DCC: variants seen among roughly 807,000 people sequenced by gnomAD.
DCC encodes the protein DCC netrin 1 receptor.
A neutral mutation model predicts 172.5 loss-of-function variants in DCC; 58 were observed. The observed-to-expected ratio is 0.34, with a 90% confidence interval of 0.27 to 0.42. The LOEUF (loss-of-function observed/expected upper bound fraction) is 0.42. DCC is among the 10% of genes least tolerant of loss of function. The pLI, the probability that DCC is intolerant of heterozygous loss-of-function variation, is 1.00. For synonymous variants in DCC, 709 were observed against 644.5 expected, an observed-to-expected ratio of 1.10 and a Z score of -1.52; for missense variants, 1,740 against 1,791.0, an observed-to-expected ratio of 0.97 and a Z score of 0.51.
At chr18:53,356,961 T>C (rs569255411) in intron 15 of DCC, among the ~76,000 whole-genome samples, 39 of 152,322 alleles carry the variant, frequency 2.6e-4, no homozygotes, top group African/African-American at 6.7e-4. Context: ...TTTTCTTCTC[T>C]TAGAAGTCGC....
intron 27 of DCC, among the ~76,000 whole-genome samples, chr18:53,511,718 G>A (rs1286860728): frequency 2.6e-5 from 4 of 152,180 alleles, no homozygotes; most frequent in East Asian, 1.9e-4. Flanking sequence ...CTGGAAAATC[G>A]GGTCACTCCC....
chr18:53,289,514 T>C (rs975792420), intron 12 of DCC, among the ~76,000 whole-genome samples: 2 of 152,144 alleles, frequency 1.3e-5, no homozygotes, highest in Non-Finnish European at 2.9e-5. Flanking sequence ...CTGGAAAGAA[T>C]CAATCATGTT....
intron 7 of DCC, among the ~76,000 whole-genome samples, chr18:53,120,953 T>G (rs9957822): frequency 0.056 from 8,577 of 151,950 alleles, 325 homozygotes; most frequent in East Asian, 0.12. Flanking sequence ...CTATGATGAT[T>G]AATGGAATTA....
chr18:52,662,343 A>C (rs145240788), intron 1 of DCC, among the ~76,000 whole-genome samples: 15 of 152,288 alleles, frequency 9.8e-5, no homozygotes, highest in African/African-American at 3.4e-4. Flanking sequence ...AGGAAATGAT[A>C]ATAGAAACAA....
At position 53,197,816 on chromosome 18, in the gene DCC, G is replaced by A. The variant is rs565654138; in HGVS notation, c.1574-7400G>A. Among the ~76,000 whole-genome samples, 129 of 152,144 alleles carry A rather than the reference G, an allele frequency of 8.5e-4. 1 individual carries two copies. The highest frequency in any genetic ancestry group is 2.6e-3 in the Admixed American group (40 of 15,270). On this transcript the variant is annotated intron_variant, in intron 9 of 28. Transcript: ENST00000442544. ...ATTTCTTACAGTAAAGGGAAGACAG[G>A]AAGGCAGATGTTTAGATAGTTGAAT...
Position 53,339,773 on chromosome 18 carries a change from T to A in DCC, c.2225T>A (p.Ile742Asn). ...LHVRPQTNCI[I>N]MSWTPPLNPN... Reference sequence around the variant, plus strand: ...GTGAGGCCCCAGACTAACTGCATCATCATGAGTTGGACTCCTCCCTTGAAC... The same window carrying A: ...GTGAGGCCCCAGACTAACTGCATCAACATGAGTTGGACTCCTCCCTTGAAC... The change falls in exon 15 of 29, where the codon ATC (isoleucine) becomes AAC (asparagine). Residue 742 changes from isoleucine (I) to asparagine (N), a missense_variant. Around this residue, in one of 2 missense-constraint regions of DCC, gnomAD observed 1,732 missense variants for 1,767.4 expected, o/e 0.98. Transcript: ENST00000442544. The A allele has an allele frequency of 6.2e-7, 1 of 1,613,928 alleles. No individual in the cohort carries two copies. The highest frequency in any genetic ancestry group is 8.5e-7 in the Non-Finnish European group (1 of 1,179,914).
intron 12 of DCC, among the ~76,000 whole-genome samples, chr18:53,304,160 C>G (rs1220130472): frequency 6.6e-6 from 1 of 152,030 alleles, no homozygotes; most frequent in African/African-American, 2.4e-5. Flanking sequence ...AATATGGGTA[C>G]AGGATAGGGG....
intron 1 of DCC, among the ~76,000 whole-genome samples, chr18:52,527,443 A>T (rs979059919): frequency 6.6e-6 from 1 of 152,238 alleles, no homozygotes; most frequent in Non-Finnish European, 1.5e-5. Context: ...TGATTTATGG[A>T]TGACAAGTTT....
chr18:53,255,823 C>T (rs2056503838), intron 12 of DCC, among the ~76,000 whole-genome samples: 1 of 152,280 alleles, frequency 6.6e-6, no homozygotes, highest in South Asian at 2.1e-4. Flanking sequence ...GTTTACAGTT[C>T]CACCAACAGT....
At chr18:52,548,026 A>G (rs2032663751) in intron 1 of DCC, among the ~76,000 whole-genome samples, 1 of 152,186 alleles carries the variant, frequency 6.6e-6, no homozygotes, top group Non-Finnish European at 1.5e-5. Context: ...TTCTATCCTC[A>G]GGTATGGAGA....
At chr18:52,669,223 G>C (rs1030268566) in intron 1 of DCC, among the ~76,000 whole-genome samples, 3 of 152,196 alleles carry the variant, frequency 2.0e-5, no homozygotes, top group Non-Finnish European at 4.4e-5. Flanking sequence ...ATCCATCTTA[G>C]TGGTGCCAGC....
At chr18:52,808,415 TC>T (rs397758296) in intron 2 of DCC, among the ~76,000 whole-genome samples, 1 of 150,930 alleles carries the variant, frequency 6.6e-6, no homozygotes, top group Non-Finnish European at 1.5e-5. Flanking sequence ...TTTTTTTTTT[TC>T]CTACAACCTC....
At chr18:52,388,523 C>T (rs1173621875) in intron 1 of DCC, among the ~76,000 whole-genome samples, 1 of 150,516 alleles carries the variant, frequency 6.6e-6, no homozygotes, top group Admixed American at 6.6e-5. Context: ...TTTTTCCCCA[C>T]GGAAATCTAT....
chr18:52,771,857 C>G (rs1322719547), intron 2 of DCC, among the ~76,000 whole-genome samples: 1 of 125,988 alleles, frequency 7.9e-6, no homozygotes, highest in Non-Finnish European at 1.6e-5. Context: ...ACAGAATCTT[C>G]TGTAGAAACT....
intron 7 of DCC, among the ~76,000 whole-genome samples, chr18:53,139,919 A>G (rs931386318): frequency 6.6e-6 from 1 of 152,174 alleles, no homozygotes; most frequent in Admixed American, 6.5e-5. Context: ...GGAGGATACA[A>G]ATAAAGAATG....
intron 15 of DCC, among the ~76,000 whole-genome samples, chr18:53,359,568 T>C (rs776402595): frequency 2.6e-5 from 4 of 152,156 alleles, no homozygotes; most frequent in Admixed American, 6.6e-5. Context: ...AGTTTATTAA[T>C]AGGAGATATT....
intron 7 of DCC, among the ~76,000 whole-genome samples, chr18:53,129,998 A>G (rs1241431717): frequency 6.6e-6 from 1 of 152,120 alleles, no homozygotes; most frequent in Non-Finnish European, 1.5e-5. Flanking sequence ...ATTCATCTTC[A>G]TCAATATTTA....
chr18:52,649,060 G>A (rs573309084), intron 1 of DCC, among the ~76,000 whole-genome samples: 3 of 152,146 alleles, frequency 2.0e-5, no homozygotes, highest in East Asian at 1.9e-4. Flanking sequence ...CTTAAAATAC[G>A]CAGAAGAACT....
chr18:52,808,618 T>A lies in DCC; in HGVS notation c.412+56244T>A, dbSNP rs563834718. Among the ~76,000 whole-genome samples, 5 of 152,328 alleles carry A rather than the reference T, an allele frequency of 3.3e-5. 1 individual carries two copies. The highest frequency in any genetic ancestry group is 3.3e-4 in the Admixed American group (5 of 15,304). The stretch of plus-strand genomic sequence containing the variant: ...TGGAAGGGATAATGATGGAGAACAC[T>A]GTTCCAAAATACAATACATAAATCC... On this transcript the variant is annotated intron_variant, in intron 2 of 28. Transcript: ENST00000442544.
Sources: gnomAD v4.1 joint callset for allele counts (sites outside exome capture counted in the v4.1 genomes callset) on GRCh38, gnomAD v4.1.1 for gene constraint, gnomAD v4.1.1 regional missense constraint, MANE v1.5 for transcripts, NCBI Gene and HGNC (gene_info 2026-07-23, HGNC 2026-07-21) for gene names.